NAXE: variants seen among roughly 807,000 people sequenced by gnomAD.
NAXE encodes NAD(P)HX epimerase, also known as NAD(P)H-hydrate epimerase.
Under a neutral mutation model 31.2 loss-of-function variants are expected in NAXE, and 25 were observed. The ratio of observed to expected loss-of-function variants is 0.80; its 90% CI spans 0.58 to 1.12. The LOEUF (loss-of-function observed/expected upper bound fraction) is 1.12, where lower values mean the gene tolerates loss of function less well. NAXE is among the 50% of genes most tolerant of loss of function. NAXE has a pLI of 0.00. For missense variants in NAXE, 362 were observed against 376.1 expected (o/e 0.96, Z 0.31); for synonymous variants, 144 against 154.5 (o/e 0.93, Z 0.50).
Position 156,593,842 on chromosome 1 carries a change from G to A in NAXE, c.665-40G>A, listed in dbSNP as rs374009749. On this transcript the variant is annotated intron_variant, in intron 5 of 5. Transcript: ENST00000368235. The stretch of plus-strand genomic sequence containing the variant: ...GGTAAACTAAGGTGTAGAAGGGGAC[G>A]AGACATCTGGCCTCTTCCTGAACAC... 43 of 1,601,108 alleles carry A rather than the reference G, an allele frequency of 2.7e-5. 1 individual carries two copies. In the African/African-American group the frequency reaches 3.7e-4, roughly 14 times the overall value.
chr1:156,592,027 G>A lies in NAXE; in HGVS notation c.182+41G>A, dbSNP rs374562743. On this transcript the variant is annotated intron_variant, in intron 1 of 5. Transcript: ENST00000368235. ...GGGTGGCCTGCTCTGCCCCGGGGCGGGGCCTGGGACGGCCGGGCCACCTGC... is the reference window on the plus strand; with the variant it reads ...GGGTGGCCTGCTCTGCCCCGGGGCGAGGCCTGGGACGGCCGGGCCACCTGC... The A allele has an allele frequency of 3.1e-5, 50 of 1,613,458 alleles. 3 individuals are homozygous for A. Among genetic ancestry groups the A allele is most frequent in the African/African-American group, 3.1e-4 (23 of 75,048 alleles).
In NAXE at chr1:156,592,224, T is replaced by G; in HGVS notation, c.291+15T>G. ...CCATCGCCAAGGTCAGTGGCACAAC[T>G]CTCGACCTTTGGGAGCAGCCAGGGA... On this transcript the variant is annotated intron_variant, in intron 2 of 5. Transcript: ENST00000368235. The G allele has an allele frequency of 6.2e-7, 1 of 1,613,532 alleles. No individual in the cohort carries two copies. Among genetic ancestry groups the G allele is most frequent in the Non-Finnish European group, 8.5e-7 (1 of 1,179,866 alleles).
Position 156,593,982 on chromosome 1 carries a change from C to T in NAXE, c.765C>T (p.Tyr255=), listed in dbSNP as rs372223423. The T allele has an allele frequency of 1.1e-5, 17 of 1,614,056 alleles. No individual in the cohort carries two copies. Among genetic ancestry groups the T allele is most frequent in the Non-Finnish European group, 1.4e-5 (17 of 1,180,030 alleles). The stretch of plus-strand genomic sequence containing the variant: ...CTGCAACCCAGTTTACCGGTCGCTA[C>T]CATTACCTGGGGGGTCGTTTTGTGC... ...KKSATQFTGR[Y]HYLGGRFVPP... is the part of the protein sequence containing the mutation. Residue 255 remains tyrosine (Y), a synonymous_variant, in exon 6 of 6, where the codon TAC becomes TAT. Transcript: ENST00000368235.
chr1:156,593,751 T>G, intron 5 of NAXE, 131 bp from the exon 6 acceptor site: 1 of 1,312,270 alleles, frequency 7.6e-7, no homozygotes, highest in Non-Finnish European at 1.1e-6. Flanking sequence ...CAAGGGTACG[T>G]GGAGCTCGTT....
At position 156,594,024 on chromosome 1, in the gene NAXE, G is replaced by A. The variant is rs771598810; in HGVS notation, c.807G>A (p.Lys269=). The change falls in exon 6 of 6, where the codon AAG becomes AAA. Residue 269 remains lysine (K), a synonymous_variant. Transcript: ENST00000368235. ...GTTTTGTGCCACCTGCTCTGGAGAA[G>A]AAGTACCAGCTGAACCTGCCACCCT... ...GGRFVPPALE[K]KYQLNLPPYP... The A allele has an allele frequency of 1.2e-6, 2 of 1,614,104 alleles. No homozygotes were observed. The highest frequency in any genetic ancestry group is 1.3e-5 in the African/African-American group (1 of 75,030).
In NAXE at chr1:156,591,880, A is replaced by G; in HGVS notation, c.76A>G (p.Thr26Ala). The G allele has an allele frequency of 1.2e-6, 2 of 1,612,314 alleles. No homozygotes were observed. Among genetic ancestry groups the G allele is most frequent in the Non-Finnish European group, 1.7e-6 (2 of 1,179,664 alleles). The change falls in exon 1 of 6, where the codon ACC becomes GCC. Residue 26 changes from threonine (T) to alanine (A), a missense_variant. Coordinates refer to ENST00000368235, the MANE Select transcript of NAXE (RefSeq NM_144772.3). The part of the protein sequence containing the change: ...GSRVPRIKSQ[T>A]IACRSGPTWW... Reference sequence around the variant, plus strand: ...GCGCGTGCCGCGGATCAAAAGCCAGACCATCGCCTGTCGCTCGGGACCCAC... The same window carrying G: ...GCGCGTGCCGCGGATCAAAAGCCAGGCCATCGCCTGTCGCTCGGGACCCAC...
chr1:156,594,033 G>C lies in NAXE; in HGVS notation c.816G>C (p.Gln272His), dbSNP rs1182789426. The C allele has an allele frequency of 6.2e-7, 1 of 1,614,104 alleles. No individual in the cohort carries two copies. The highest frequency in any genetic ancestry group is 1.1e-5 in the South Asian group (1 of 91,080). The change falls in exon 6 of 6, where the codon CAG (glutamine) becomes CAC (histidine). Residue 272 changes from glutamine (Q) to histidine (H), a missense_variant. Transcript: ENST00000368235. ...CACCTGCTCTGGAGAAGAAGTACCA[G>C]CTGAACCTGCCACCCTACCCTGACA... ...FVPPALEKKYQLNLPPYPDTE... is the reference protein window; with the variant it reads ...FVPPALEKKYHLNLPPYPDTE...
At chr1:156,593,211 G>A (rs1023668449) in intron 4 of NAXE, 197 bp from the exon 5 acceptor site, 4 of 639,150 alleles carry the variant, frequency 6.3e-6, no homozygotes, top group African/African-American at 1.9e-5. Flanking sequence ...CAGGCACCGA[G>A]AACAAAAACT....
rs572486885 is a variant in NAXE, at chr1:156,593,431, T to C, written c.540T>C (p.Tyr180=). Residue 180 remains tyrosine (Y), a synonymous_variant, in exon 5 of 6, where the codon TAT becomes TAC. Transcript: ENST00000368235. The part of the protein sequence containing the change: ...PAEPMTIDEL[Y]ELVVDAIFGF... ...AGCCCATGACGATTGATGAACTGTA[T>C]GAGCTGGTGGTGGATGCCATCTTTG... is the stretch of plus-strand genomic sequence containing the variant. The C allele has an allele frequency of 6.2e-7, 1 of 1,614,108 alleles. No homozygotes were observed. Among genetic ancestry groups the C allele is most frequent in the South Asian group, 1.1e-5 (1 of 91,064 alleles).
At chr1:156,593,184 A>G (rs1012094045) in intron 4 of NAXE, 16 of 530,526 alleles carry the variant, frequency 3.0e-5, no homozygotes, top group Non-Finnish European at 5.2e-5. Context: ...TAGCCTCCCC[A>G]GTGGTGGGCA....
rs763250138 is a variant in NAXE at position 156,593,392 on chromosome 1, T to C, written c.517-16T>C. The C allele has an allele frequency of 2.1e-5, 34 of 1,608,308 alleles. No homozygotes were observed. The highest frequency in any genetic ancestry group is 2.8e-5 in the Non-Finnish European group (33 of 1,176,606). ...GCAGCTGCTGGCTCTGACATCCTTT[T>C]CCTGCTCCACCACAGCCCATGACGA... is the stretch of plus-strand genomic sequence containing the variant. On this transcript the variant is annotated splice_polypyrimidine_tract_variant and intron_variant, in intron 4 of 5. Coordinates refer to ENST00000368235, the MANE Select transcript of NAXE (RefSeq NM_144772.3).
In NAXE at chr1:156,593,440, G is replaced by A. The variant is rs745364018; in HGVS notation, c.549G>A (p.Val183=). 2 of 1,614,178 alleles carry A rather than the reference G, an allele frequency of 1.2e-6. No individual in the cohort carries two copies. The highest frequency in any genetic ancestry group is 3.3e-5 in the Admixed American group (2 of 60,022). The stretch of plus-strand genomic sequence containing the variant: ...CGATTGATGAACTGTATGAGCTGGT[G>A]GTGGATGCCATCTTTGGCTTCAGCT... ...PMTIDELYEL[V]VDAIFGFSFK... The change falls in exon 5 of 6, where the codon GTG becomes GTA. Residue 183 remains valine (V), a synonymous_variant. Coordinates refer to ENST00000368235, the MANE Select transcript of NAXE (RefSeq NM_144772.3).
Position 156,592,559 on chromosome 1 carries a change from C to A in NAXE, c.405C>A (p.Gly135=). ...LVCARHLKLF[G]YEPTIYYPKR... is the part of the protein sequence containing the mutation. ...TTGAATTACCACTTTCTTCCTAGGG[C>A]TACGAGCCAACCATCTATTACCCCA... Residue 135 remains glycine (G), a splice_region_variant and synonymous_variant, in exon 4 of 6, where the codon GGC becomes GGA. Coordinates refer to ENST00000368235, the MANE Select transcript of NAXE (RefSeq NM_144772.3). The A allele has an allele frequency of 6.2e-7, 1 of 1,614,068 alleles. No individual in the cohort carries two copies. The highest frequency in any genetic ancestry group is 2.2e-5 in the East Asian group (1 of 44,880).
intron 2 of NAXE, 24 bp from the exon 3 acceptor site, chr1:156,592,341 A>AACC: frequency 6.2e-7 from 1 of 1,612,582 alleles, no homozygotes; most frequent in Middle Eastern, 1.7e-4. Context: ...AACCCCGCCG[A>AACC]ACCACCCTTG....
Position 156,591,926 on chromosome 1 carries a change from T to G in NAXE, c.122T>G (p.Leu41Arg), listed in dbSNP as rs754361759. 2.5e-6 allele frequency: 4 copies of G among 1,612,768 alleles called. No individual in the cohort carries two copies. In the Admixed American group the frequency reaches 6.7e-5, roughly 27 times the overall value. The change falls in exon 1 of 6, where the codon CTG becomes CGG. Residue 41 changes from leucine (L) to arginine (R), a missense_variant. Leu to Arg is a moderately radical substitution (Grantham distance 102, BLOSUM62 -2). Transcript: ENST00000368235. ...CCCACCTGGTGGGGACCGCAGCGGC[T>G]GAACTCGGGTGGCCGCTGGGACTCA... ...SGPTWWGPQR[L>R]NSGGRWDSEV...
Position 156,591,784 on chromosome 1 carries a change from G to GGGCCGGGC in NAXE, c.-20_-19insGCCGGGCG. On this transcript the variant is annotated 5_prime_UTR_variant, in exon 1 of 6. Transcript: ENST00000368235. ...TGCGCCGGGGCCGGGCCGGGCCGGGGGCGCGCGCTCTGCGAGCTGGATGTC... is the reference window on the plus strand; with the variant it reads ...TGCGCCGGGGCCGGGCCGGGCCGGGGGGCCGGGCGCGCGCGCTCTGCGAGCTGGATGTC... The GGGCCGGGC allele has an allele frequency of 7.9e-7, 1 of 1,271,960 alleles. No individual in the cohort carries two copies. Among genetic ancestry groups the GGGCCGGGC allele is most frequent in the Non-Finnish European group, 1.0e-6 (1 of 979,216 alleles). The allele number at this position is 1,271,960 out of a possible 1,614,324, so 78.8% of individuals were successfully genotyped here.
intron 4 of NAXE, 186 bp downstream of exon 4, chr1:156,592,856 C>G: frequency 1.7e-6 from 1 of 586,784 alleles, no homozygotes; most frequent in Non-Finnish European, 3.0e-6. Flanking sequence ...GTCCCACACA[C>G]CACCTTCTCT....
chr1:156,594,102 T>G lies in NAXE; in HGVS notation c.*18T>G, dbSNP rs1427213122. On this transcript the variant is annotated 3_prime_UTR_variant, in exon 6 of 6. Coordinates refer to ENST00000368235, the MANE Select transcript of NAXE (RefSeq NM_144772.3). Reference sequence around the variant, plus strand: ...TGCAGTGAGGGAAGGTGGGTGGGTATTCTTCCCAATAAAGACTTAGAGCCC... The same window carrying G: ...TGCAGTGAGGGAAGGTGGGTGGGTAGTCTTCCCAATAAAGACTTAGAGCCC... 1.9e-6 allele frequency: 3 copies of G among 1,612,510 alleles called. No individual in the cohort carries two copies. In the African/African-American group the frequency reaches 4.0e-5, roughly 21 times the overall value.
chr1:156,593,089 T>C (rs1486940520), intron 4 of NAXE: 1 of 417,566 alleles, frequency 2.4e-6, no homozygotes, highest in Admixed American at 4.1e-5. Flanking sequence ...AGAGAAGTGG[T>C]TTGCTTAAAG....
Sources: gnomAD v4.1 joint callset for allele counts on GRCh38, gnomAD v4.1.1 for gene constraint, MANE v1.5 for transcripts, NCBI Gene and HGNC (gene_info 2026-07-23, HGNC 2026-07-21) for gene names.